Variants in ZNF184 observed in about 807,000 individuals in gnomAD.
ZNF184 encodes the protein zinc finger protein 184, also known as zinc finger protein 184 (Kruppel-like).
A neutral mutation model predicts 54.4 loss-of-function variants in ZNF184; 16 were observed. The observed-to-expected ratio is 0.29, with a 90% CI of 0.20 to 0.45. The LOEUF (loss-of-function observed/expected upper bound fraction) is 0.45, where lower values mean the gene tolerates loss of function less well. Among genes scored for constraint, ZNF184 ranks in the 20% least tolerant of loss-of-function variants. The pLI, the probability that ZNF184 is intolerant of heterozygous loss-of-function variation, is 1.00. For missense variants in ZNF184, 681 were observed against 888.2 expected, an observed-to-expected ratio of 0.77 and a Z score of 2.97; for synonymous variants, 254 against 295.3, an observed-to-expected ratio of 0.86 and a Z score of 1.43.
intron 3 of ZNF184, among the ~76,000 whole-genome samples, chr6:27,458,346 G>T (rs935994139): frequency 1.5e-4 from 21 of 141,226 alleles, no homozygotes; most frequent in Non-Finnish European, 2.0e-4. Context: ...AAGACAACCT[G>T]CAGAAGGGGC....
chr6:27,456,741 C>T (rs933525322), intron 5 of ZNF184, 85 bp downstream of exon 5: 1 of 1,156,728 alleles, frequency 8.6e-7, no homozygotes, highest in Non-Finnish European at 1.3e-6. Flanking sequence ...GAAGAAAGTA[C>T]ATCTACACTT....
intron 2 of ZNF184, among the ~76,000 whole-genome samples, chr6:27,468,574 TTC>T (rs1392691102): frequency 6.6e-6 from 1 of 152,226 alleles, no homozygotes; most frequent in East Asian, 1.9e-4. Context: ...TACAAGGATC[TTC>T]ACTGCAGATT....
the ZNF184 span, among the ~76,000 whole-genome samples, chr6:27,442,579 AG>A: frequency 6.6e-6 from 1 of 152,000 alleles, no homozygotes; most frequent in Admixed American, 6.6e-5. Context: ...CCTGGGCAAC[AG>A]AGCCAGACCC....
chr6:27,431,968 A>G, the ZNF184 span, among the ~76,000 whole-genome samples: 82 of 152,288 alleles, frequency 5.4e-4, no homozygotes, highest in African/African-American at 1.8e-3. Context: ...CAGGCTCCCA[A>G]ACTAGTCCGA....
the ZNF184 span, among the ~76,000 whole-genome samples, chr6:27,435,068 A>G: frequency 6.6e-6 from 1 of 152,154 alleles, no homozygotes; most frequent in Non-Finnish European, 1.5e-5. Context: ...GTAAATTTGT[A>G]GTAAGTTTTA....
chr6:27,471,942 A>G (rs1763287378), intron 2 of ZNF184, among the ~76,000 whole-genome samples: 1 of 152,238 alleles, frequency 6.6e-6, no homozygotes. Context: ...AGGAGATTTC[A>G]AAACTGACTC....
Position 27,451,846 on chromosome 6 carries a change from TG to T in ZNF184, c.1712del (p.Ser571TyrfsTer87). ...GGATCTTCCTATGCTGAATAAGGGA[TG>T]AACCATAACTGAAGGTTTTCCCACA... ...HECGKTFSYG[S>X]SLIQHRKIHT... On this transcript the variant is annotated frameshift_variant, in exon 6 of 6. Transcript: ENST00000683788. LOFTEE classifies it high-confidence loss of function. 1.2e-6 allele frequency: 2 copies of T among 1,613,102 alleles called. No homozygotes were observed. The highest frequency in any genetic ancestry group is 1.7e-6 in the Non-Finnish European group (2 of 1,180,016).
At chr6:27,422,110 T>C in the ZNF184 span, among the ~76,000 whole-genome samples, 4,106 of 107,224 alleles carry the variant, frequency 0.038, 262 homozygotes, top group African/African-American at 0.1. Flanking sequence ...CACTACACCC[T>C]AGCCTGTGCA....
chr6:27,413,182 T>G, the ZNF184 span, among the ~76,000 whole-genome samples: 1 of 152,120 alleles, frequency 6.6e-6, no homozygotes, highest in East Asian at 1.9e-4. Flanking sequence ...CACTTGAACC[T>G]GGGAGGTGGA....
At chr6:27,424,165 GGTAA>G in the ZNF184 span, among the ~76,000 whole-genome samples, 1 of 152,134 alleles carries the variant, frequency 6.6e-6, no homozygotes, top group African/African-American at 2.4e-5. Context: ...AGACCTTTGC[GGTAA>G]GTGTTAGAGC....
At chr6:27,465,139 T>G (rs1400827393) in intron 3 of ZNF184, among the ~76,000 whole-genome samples, 1 of 144,526 alleles carries the variant, frequency 6.9e-6, no homozygotes, top group African/African-American at 2.6e-5. Flanking sequence ...CTTACAAAAC[T>G]GTGAGAAATA....
At chr6:27,439,154 G>A in the ZNF184 span, among the ~76,000 whole-genome samples, 1 of 152,096 alleles carries the variant, frequency 6.6e-6, no homozygotes, top group Non-Finnish European at 1.5e-5. Context: ...TGATTCATAA[G>A]TACTTTAAAT....
the ZNF184 span, among the ~76,000 whole-genome samples, chr6:27,436,898 G>A: frequency 6.6e-6 from 1 of 152,210 alleles, no homozygotes; most frequent in East Asian, 1.9e-4. Flanking sequence ...AAAGGCATTT[G>A]TGGGTACCTT....
intron 3 of ZNF184, among the ~76,000 whole-genome samples, chr6:27,463,757 G>T (rs1763057770): frequency 1.3e-5 from 2 of 151,868 alleles, no homozygotes; most frequent in South Asian, 4.2e-4. Flanking sequence ...AGAAACAATG[G>T]ACACTGGAGC....
At chr6:27,411,738 T>G in the ZNF184 span, among the ~76,000 whole-genome samples, 1 of 152,236 alleles carries the variant, frequency 6.6e-6, no homozygotes, top group Non-Finnish European at 1.5e-5. Flanking sequence ...GCTCTCACAT[T>G]TAAGTAGAAC....
the ZNF184 span, among the ~76,000 whole-genome samples, chr6:27,431,825 C>A: frequency 6.6e-6 from 1 of 152,068 alleles, no homozygotes; most frequent in African/African-American, 2.4e-5. Flanking sequence ...TGGGATGGCA[C>A]CCCACAAAGG....
the ZNF184 span, among the ~76,000 whole-genome samples, chr6:27,409,252 C>T: frequency 1.9e-4 from 29 of 152,038 alleles, no homozygotes; most frequent in Non-Finnish European, 3.5e-4. Context: ...GTAATCCCAG[C>T]GCTTTGGGAG....
the ZNF184 span, among the ~76,000 whole-genome samples, chr6:27,428,299 C>T: frequency 6.6e-5 from 10 of 152,300 alleles, no homozygotes; most frequent in African/African-American, 2.4e-4. This position sits in a 1 kb window ranked among gnomAD's most constrained non-coding sequence, Gnocchi z 4.1. Context: ...TCTTTACTCT[C>T]TTCTGGAAAG....
the ZNF184 span, among the ~76,000 whole-genome samples, chr6:27,425,121 G>T: frequency 6.6e-6 from 1 of 152,306 alleles, no homozygotes; most frequent in Non-Finnish European, 1.5e-5. Flanking sequence ...GCTGCTCCGA[G>T]CGCGGGGCCC....
Sources: gnomAD v4.1 joint callset for allele counts (sites outside exome capture counted in the v4.1 genomes callset) on GRCh38, gnomAD v4.1.1 for gene constraint, Gnocchi (gnomAD v3.1) non-coding constraint, MANE v1.5 for transcripts, NCBI Gene and HGNC (gene_info 2026-07-23, HGNC 2026-07-21) for gene names.